The following TBCB variants were observed in gnomAD, a reference collection of about 807,000 sequenced individuals.
The protein encoded by TBCB is tubulin-folding cofactor B.
A neutral mutation model predicts 29.2 loss-of-function variants in TBCB; 18 were observed. The observed-to-expected ratio is 0.62, with a 90% CI of 0.43 to 0.91. The LOEUF (loss-of-function observed/expected upper bound fraction) is 0.91. Among genes scored for constraint, TBCB ranks in the 40% least tolerant of loss-of-function variants. The pLI is 0.00. For synonymous variants in TBCB, 172 were observed against 137.8 expected, an observed-to-expected ratio of 1.25 and a Z score of -1.74; for missense variants, 336 against 337.6, an observed-to-expected ratio of 1.00 and a Z score of 0.04.
At chr19:36,114,977 T>C, upstream of TBCB, 1 of 1,010,962 alleles carries the variant, frequency 9.9e-7, no homozygotes, top group Non-Finnish European at 1.5e-6. This position sits in a 1 kb window ranked among gnomAD's most constrained non-coding sequence, Gnocchi z 4.5. Flanking sequence ...GCACACGTGC[T>C]GGCTCCCCGC....
chr19:36,121,309 G>T (rs1974045753), intron 3 of TBCB, among the ~76,000 whole-genome samples: 1 of 151,976 alleles, frequency 6.6e-6, no homozygotes, highest in African/African-American at 2.4e-5. Context: ...GTAGTGAGGG[G>T]TGCAGGCGGC....
Position 36,116,137 on chromosome 19 carries a change from G to A in TBCB, c.211G>A (p.Asp71Asn), listed in dbSNP as rs1165299821. 4 of 1,614,066 alleles carry A rather than the reference G, an allele frequency of 2.5e-6. No homozygotes were observed. The highest frequency in any genetic ancestry group is 3.3e-5 in the Admixed American group (2 of 60,006). Residue 71 changes from aspartate (D) to asparagine (N), a missense_variant, in exon 2 of 6, where the codon GAT becomes AAT. Physicochemically the swap from Asp to Asn is conservative, Grantham distance 23. Transcript: ENST00000221855. ...GTTCTACAGCAAGCTGGATCAAGAG[G>A]ATGCGCTCCTGGGCTCCTACCCTGT... is the stretch of plus-strand genomic sequence containing the variant. ...DKFYSKLDQE[D>N]ALLGSYPVDD...
chr19:36,121,580 G>A lies in TBCB; in HGVS notation c.409G>A (p.Glu137Lys), dbSNP rs1360726130. 1 of 1,558,190 alleles carries A rather than the reference G, an allele frequency of 6.4e-7. No homozygotes were observed. The highest frequency in any genetic ancestry group is 1.4e-5 in the African/African-American group (1 of 73,676). ...CAAGCTCGGCCGGTACAACGAGGAG[G>A]AGCGGGCTCAGCAGGAGGCCGAGGC... ...RSKLGRYNEEERAQQEAEAAQ... is the reference protein window; with the variant it reads ...RSKLGRYNEEKRAQQEAEAAQ... Residue 137 changes from glutamate (E) to lysine (K), a missense_variant, in exon 4 of 6, where the codon GAG becomes AAG. Transcript: ENST00000221855.
intron 4 of TBCB, among the ~76,000 whole-genome samples, chr19:36,124,539 G>T (rs554351170): frequency 2.8e-4 from 43 of 151,476 alleles, no homozygotes; most frequent in African/African-American, 7.0e-4. Flanking sequence ...GTCGGGGTTT[G>T]GTTTTGTTTT....
intron 3 of TBCB, among the ~76,000 whole-genome samples, 197 bp downstream of exon 3, chr19:36,121,003 G>A (rs1042636120): frequency 6.6e-6 from 1 of 150,616 alleles, no homozygotes; most frequent in Non-Finnish European, 1.5e-5. Flanking sequence ...GCCGGGAGGT[G>A]TCAGGGGTAT....
At chr19:36,115,272 T>G (rs1264649038), upstream of TBCB, 1 of 534,728 alleles carries the variant, frequency 1.9e-6, no homozygotes, top group African/African-American at 2.0e-5. Context: ...CGGGCTTCAG[T>G]CTTCGCCGCC....
rs376064713 is a variant in TBCB at position 36,120,759 on chromosome 19, G to A, written c.308G>A (p.Arg103Gln). ...ARLGEYEDVS[R>Q]VEKYTISQEA... ...CTTGGTGAGTATGAGGACGTGTCCC[G>A]GGTGGAGAAGTACACGATCTCACAA... The change falls in exon 3 of 6, where the codon CGG (arginine) becomes CAG (glutamine). Residue 103 changes from arginine to glutamine, a missense_variant. Physicochemically the swap from Arg to Gln is conservative, Grantham distance 43 (BLOSUM62 1). Coordinates refer to ENST00000221855, the MANE Select transcript of TBCB (RefSeq NM_001281.3). 5.6e-6 allele frequency: 9 copies of A among 1,613,780 alleles called. No individual in the cohort carries two copies. Among genetic ancestry groups the A allele is most frequent in the Admixed American group, 5.0e-5 (3 of 59,974 alleles).
At chr19:36,118,224 A>G (rs1973988171) in intron 2 of TBCB, among the ~76,000 whole-genome samples, 1 of 152,072 alleles carries the variant, frequency 6.6e-6, no homozygotes, top group African/African-American at 2.4e-5. Flanking sequence ...GAGAAGTTCT[A>G]GTGTATGAGG....
chr19:36,123,851 G>A (rs1035064155), intron 4 of TBCB, among the ~76,000 whole-genome samples: 1 of 152,090 alleles, frequency 6.6e-6, no homozygotes, highest in African/African-American at 2.4e-5. Context: ...CTCCAGCCTG[G>A]GCAACCATGC....
At chr19:36,120,883 C>T (rs1033736939) in intron 3 of TBCB, 77 bp downstream of exon 3, 2 of 1,416,450 alleles carry the variant, frequency 1.4e-6, no homozygotes, top group Admixed American at 3.7e-5. Flanking sequence ...GCAGGTTAGA[C>T]AGGGCCCCTG....
chr19:36,119,033 G>A (rs1974001986), intron 2 of TBCB, among the ~76,000 whole-genome samples: 1 of 152,176 alleles, frequency 6.6e-6, no homozygotes, highest in Non-Finnish European at 1.5e-5. Context: ...CTGAAGCTAA[G>A]GGGTGCGGGT....
In TBCB at chr19:36,118,254, C is replaced by T. The variant is rs10420582; in HGVS notation, c.258+2070C>T. ...ATGAGGCAGATGTTGGCTAAATGGC[C>T]AGAGGACTGAATGTGAAGGGTCAGG... is the stretch of plus-strand genomic sequence containing the variant. On this transcript the variant is annotated intron_variant, in intron 2 of 5. Coordinates refer to ENST00000221855, the MANE Select transcript of TBCB (RefSeq NM_001281.3). 6.9e-3 allele frequency among the ~76,000 whole-genome samples: 1,054 copies of T among 152,212 alleles called. 16 individuals carry two copies. Among genetic ancestry groups the T allele is most frequent in the African/African-American group, 0.024 (981 of 41,504 alleles).
At chr19:36,120,109 C>G (rs1266273489) in intron 2 of TBCB, among the ~76,000 whole-genome samples, 3 of 152,142 alleles carry the variant, frequency 2.0e-5, no homozygotes, top group Non-Finnish European at 4.4e-5. Flanking sequence ...TAAGCCTCTT[C>G]CCTGTCATAT....
intron 4 of TBCB, among the ~76,000 whole-genome samples, chr19:36,123,474 G>C (rs1268297990): frequency 1.3e-5 from 2 of 152,058 alleles, no homozygotes; most frequent in Non-Finnish European, 2.9e-5. Context: ...ATGTGGCCCA[G>C]GCTGGTCTCA....
In TBCB at chr19:36,115,531, G is replaced by A. The variant is rs1973932536; in HGVS notation, c.-30G>A. On this transcript the variant is annotated 5_prime_UTR_variant, in exon 1 of 6. Transcript: ENST00000221855. ...GGAGCGGGTGTGAGGCGGCTGGACC[G>A]CGCTGCAGGCATCCGCAGGGCGCGG... The A allele has an allele frequency of 1.9e-6, 3 of 1,549,244 alleles. No homozygotes were observed. Among genetic ancestry groups the A allele is most frequent in the African/African-American group, 1.4e-5 (1 of 73,054 alleles).
intron 2 of TBCB, among the ~76,000 whole-genome samples, chr19:36,119,192 C>T (rs1974004255): frequency 6.6e-6 from 1 of 152,176 alleles, no homozygotes; most frequent in Non-Finnish European, 1.5e-5. Context: ...TTCTTTTTCT[C>T]TTTATAAATA....
chr19:36,115,050 T>C, upstream of TBCB: 1 of 610,524 alleles, frequency 1.6e-6, no homozygotes, highest in East Asian at 2.8e-5. Context: ...TTTGATATCT[T>C]AGAGTAATTG....
intron 2 of TBCB, among the ~76,000 whole-genome samples, chr19:36,119,202 AT>A (rs1332297141): frequency 2.6e-5 from 4 of 152,166 alleles, no homozygotes; most frequent in African/African-American, 9.7e-5. Context: ...CTTTATAAAT[AT>A]CACCCATATT....
intron 4 of TBCB, 27 bp from the exon 5 acceptor site, chr19:36,125,424 T>G (rs771748897): frequency 6.2e-7 from 1 of 1,612,446 alleles, no homozygotes; most frequent in Admixed American, 1.7e-5. Flanking sequence ...TCCAGAAGCT[T>G]CACAGGGATT....
Sources: allele counts gnomAD v4.1 joint callset (sites outside exome capture counted in the v4.1 genomes callset), GRCh38; gene constraint gnomAD v4.1.1; non-coding constraint Gnocchi (gnomAD v3.1); transcripts MANE v1.5; gene names NCBI Gene and HGNC (gene_info 2026-07-23, HGNC 2026-07-21).